Variants in ACSL3 observed in about 807,000 individuals in gnomAD.
ACSL3 encodes the protein fatty acid CoA ligase Acsl3.
In ACSL3, 34 loss-of-function variants were observed where a neutral mutation model predicts 84.7. The observed-to-expected ratio is 0.40, with a 90% CI of 0.31 to 0.53. The LOEUF (loss-of-function observed/expected upper bound fraction) is 0.53, where lower values mean the gene tolerates loss of function less well. Among genes scored for constraint, ACSL3 ranks in the 20% least tolerant of loss-of-function variants. The pLI is 0.48. For synonymous variants in ACSL3, 315 were observed against 299.4 expected, an observed-to-expected ratio of 1.05 and a Z score of -0.54; for missense variants, 680 against 873.1, an observed-to-expected ratio of 0.78 and a Z score of 2.79.
intron 1 of ACSL3, among the ~76,000 whole-genome samples, chr2:222,865,957 C>T (rs540042199): frequency 6.6e-6 from 1 of 152,312 alleles, no homozygotes; most frequent in African/African-American, 2.4e-5. Flanking sequence ...TTCCCCTGTC[C>T]TGTCATGGTC....
intron 6 of ACSL3, 73 bp downstream of exon 6, chr2:222,918,228 C>T (rs1298600055): frequency 3.3e-6 from 3 of 902,750 alleles, no homozygotes; most frequent in Admixed American, 2.4e-5. Context: ...ATTATTGATA[C>T]TTAGTTCTTT....
chr2:222,875,206 C>T (rs1170040595), intron 1 of ACSL3, among the ~76,000 whole-genome samples: 1 of 152,160 alleles, frequency 6.6e-6, no homozygotes, highest in Non-Finnish European at 1.5e-5. Flanking sequence ...TTCCAGCTCT[C>T]TGAAGATTAG....
Position 222,902,223 on chromosome 2 carries a change from GTAT to G in ACSL3, c.-41+1448_-41+1450del, listed in dbSNP as rs375481296. ...TAATGTTATGTAATTCAACTTGTCA[GTAT>G]TATTCTAGTGCTATTAGCTATATTA... On this transcript the variant is annotated intron_variant, in intron 3 of 16. Transcript: ENST00000357430. Among the ~76,000 whole-genome samples, 690 of 152,158 alleles carry G rather than the reference GTAT, an allele frequency of 4.5e-3. 2 individuals are homozygous for G. Among genetic ancestry groups the G allele is most frequent in the African/African-American group, 0.016 (650 of 41,500 alleles).
At chr2:222,894,017 T>C (rs1176633859) in intron 2 of ACSL3, among the ~76,000 whole-genome samples, 1 of 152,170 alleles carries the variant, frequency 6.6e-6, no homozygotes, top group East Asian at 1.9e-4. Context: ...TATGAGCATT[T>C]GTAGCAATTT....
At chr2:222,861,547 C>G (rs1156725309) in intron 1 of ACSL3, 3 of 152,174 alleles carry the variant, frequency 2.0e-5, no homozygotes, top group Non-Finnish European at 4.4e-5. Context: ...CGGCGCTGAC[C>G]AGGCAGGGAG....
At chr2:222,916,212 A>G in intron 4 of ACSL3, 107 bp from the exon 5 acceptor site, 3 of 664,780 alleles carry the variant, frequency 4.5e-6, no homozygotes, top group East Asian at 3.2e-5. Flanking sequence ...AGATAATTCT[A>G]TGCAAACGTA....
chr2:222,924,476 C>T lies in ACSL3; in HGVS notation c.1173C>T (p.Tyr391=). ...AAVPEIMDRI[Y]KNVMNKVSEM... ...TTTAGGAAATCATGGATCGGATCTA[C>T]AAAAATGTCATGAATAAAGTCAGTG... Residue 391 remains tyrosine, a synonymous_variant, in exon 11 of 17, where the codon TAC becomes TAT. Coordinates refer to ENST00000357430, the MANE Select transcript of ACSL3 (RefSeq NM_004457.5). 1.2e-6 allele frequency: 2 copies of T among 1,605,472 alleles called. No individual in the cohort carries two copies. Among genetic ancestry groups the T allele is most frequent in the Non-Finnish European group, 1.7e-6 (2 of 1,176,840 alleles).
At chr2:222,864,017 T>A (rs1442015205) in intron 1 of ACSL3, among the ~76,000 whole-genome samples, 1 of 152,092 alleles carries the variant, frequency 6.6e-6, no homozygotes, top group Admixed American at 6.5e-5. Flanking sequence ...CTGATCCTTT[T>A]AAGAGCCATA....
At chr2:222,926,530 T>C (rs1164028443) in intron 11 of ACSL3, among the ~76,000 whole-genome samples, 1 of 152,172 alleles carries the variant, frequency 6.6e-6, no homozygotes, top group Non-Finnish European at 1.5e-5. Context: ...CACAGATAAT[T>C]TACTAGATTA....
chr2:222,899,156 A>T (rs1215660966), intron 2 of ACSL3, among the ~76,000 whole-genome samples: 1 of 152,198 alleles, frequency 6.6e-6, no homozygotes, highest in Non-Finnish European at 1.5e-5. Flanking sequence ...GAAAAAATAC[A>T]GGAGACTGAT....
chr2:222,937,620 A>G (rs1272873852), intron 16 of ACSL3, among the ~76,000 whole-genome samples: 2 of 152,110 alleles, frequency 1.3e-5, no homozygotes, highest in African/African-American at 4.8e-5. Flanking sequence ...AAGTATGGCC[A>G]TCCCCTTTAG....
At position 222,924,576 on chromosome 2, in the gene ACSL3, A is replaced by G. The variant is rs1469179527; in HGVS notation, c.1273A>G (p.Asn425Asp). The change falls in exon 11 of 17, where the codon AAT becomes GAT. Residue 425 changes from asparagine to aspartate, a missense_variant. Around this residue, in one of 2 missense-constraint regions of ACSL3, gnomAD observed 347 missense variants for 525.7 expected, o/e 0.66. Coordinates refer to ENST00000357430, the MANE Select transcript of ACSL3 (RefSeq NM_004457.5). The part of the protein sequence containing the change: ...YKMEQISKGR[N>D]TPLCDSFVFR... ...AATGGAACAGATTTCAAAAGGACGTAATACTCCACTGTGCGACAGGTAAGT... is the reference window on the plus strand; with the variant it reads ...AATGGAACAGATTTCAAAAGGACGTGATACTCCACTGTGCGACAGGTAAGT... 20 of 1,606,604 alleles carry G rather than the reference A, an allele frequency of 1.2e-5. No individual in the cohort carries two copies. Among genetic ancestry groups the G allele is most frequent in the Non-Finnish European group, 1.7e-5 (20 of 1,177,332 alleles).
intron 1 of ACSL3, among the ~76,000 whole-genome samples, chr2:222,880,966 T>C (rs745919462): frequency 8.5e-5 from 13 of 152,214 alleles, no homozygotes; most frequent in Non-Finnish European, 1.8e-4. Context: ...CAGGCACTTA[T>C]CTGCACACAA....
intron 4 of ACSL3, 82 bp downstream of exon 4, chr2:222,909,232 CCT>C: frequency 1.5e-6 from 2 of 1,378,390 alleles, no homozygotes; most frequent in Non-Finnish European, 9.9e-7. Flanking sequence ...GCACAGCCTG[CCT>C]CCATTAGAAT....
At chr2:222,922,587 T>C in intron 8 of ACSL3, 121 bp from the exon 9 acceptor site, 1 of 1,223,728 alleles carries the variant, frequency 8.2e-7, no homozygotes. Flanking sequence ...ACATACACAC[T>C]TGACCAGCAA....
chr2:222,883,026 C>T (rs1695629958), intron 1 of ACSL3, among the ~76,000 whole-genome samples: 1 of 152,086 alleles, frequency 6.6e-6, no homozygotes, highest in African/African-American at 2.4e-5. Flanking sequence ...CCTTGGCTTT[C>T]CAAAGTGCTG....
intron 2 of ACSL3, among the ~76,000 whole-genome samples, chr2:222,888,956 A>G (rs1695782297): frequency 6.6e-6 from 1 of 152,216 alleles, no homozygotes; most frequent in Non-Finnish European, 1.5e-5. Context: ...TGAAGTGACT[A>G]GGTAAACCCA....
chr2:222,936,306 A>C (rs1009294735), intron 16 of ACSL3, among the ~76,000 whole-genome samples: 1 of 152,146 alleles, frequency 6.6e-6, no homozygotes, highest in African/African-American at 2.4e-5. Flanking sequence ...GCAATTATTA[A>C]TACTATATTT....
intron 14 of ACSL3, 72 bp from the exon 15 acceptor site, chr2:222,933,094 T>G: frequency 2.3e-6 from 2 of 881,174 alleles, no homozygotes; most frequent in Non-Finnish European, 3.5e-6. Flanking sequence ...TGGCCAGTAT[T>G]TATATATGTA....
Sources: allele counts gnomAD v4.1 joint callset (sites outside exome capture counted in the v4.1 genomes callset), GRCh38; gene constraint gnomAD v4.1.1; regional missense constraint gnomAD v4.1.1; transcripts MANE v1.5; gene names NCBI Gene and HGNC (gene_info 2026-07-23, HGNC 2026-07-21).